The following INPP4B variants were observed in gnomAD, a reference collection of about 807,000 sequenced individuals.
INPP4B encodes the protein inositol polyphosphate-4-phosphatase type II B, also known as inositol polyphosphate 4-phosphatase type II.
INPP4B carries 55 observed loss-of-function variants against 122.5 expected under a neutral mutation model. The ratio of observed to expected loss-of-function variants is 0.45; its 90% CI spans 0.36 to 0.56. The LOEUF (loss-of-function observed/expected upper bound fraction) is 0.56. INPP4B is among the 20% of genes least tolerant of loss of function. The pLI is 0.00. For synonymous variants in INPP4B, 403 were observed against 388.7 expected (o/e 1.04, Z -0.43); for missense variants, 1,000 against 1,097.7 (o/e 0.91, Z 1.26).
chr4:142,628,305 A>G (rs13139144), intron 2 of INPP4B, among the ~76,000 whole-genome samples: 108,502 of 141,758 alleles, frequency 0.77, 42,275 homozygotes, highest in East Asian at 0.84. Flanking sequence ...GTAAACTATC[A>G]CAAGAACAAA....
Position 142,608,969 on chromosome 4 carries a change from C to A in INPP4B, c.-191+116870G>T, listed in dbSNP as rs1053497352. ...ACTGCTCATCCTCGATTTAGAGGAG[C>A]CTCCCTTCCTTTTTCCCATCTCAAA... is the stretch of plus-strand genomic sequence containing the variant. On this transcript the variant is annotated intron_variant, in intron 2 of 25. Transcript: ENST00000262992. Among the ~76,000 whole-genome samples, 15 of 152,216 alleles carry A rather than the reference C, an allele frequency of 9.9e-5. No homozygotes were observed. In the East Asian group the frequency reaches 1.9e-3, roughly 20 times the overall value.
At chr4:142,316,409 G>A (rs1000779532) in intron 7 of INPP4B, among the ~76,000 whole-genome samples, 20 of 152,166 alleles carry the variant, frequency 1.3e-4, no homozygotes, top group Admixed American at 6.5e-5. Context: ...GGTGGACAAT[G>A]TATTGTGTGT....
chr4:142,049,821 G>T (rs1407359677), intron 25 of INPP4B, among the ~76,000 whole-genome samples: 1 of 151,948 alleles, frequency 6.6e-6, no homozygotes, highest in Non-Finnish European at 1.5e-5. Context: ...TATGTGGTGG[G>T]CACTAAATGT....
At chr4:142,708,806 A>C (rs1762774878) in intron 2 of INPP4B, among the ~76,000 whole-genome samples, 1 of 152,170 alleles carries the variant, frequency 6.6e-6, no homozygotes, top group Non-Finnish European at 1.5e-5. Context: ...CAGAGTCTCC[A>C]CTGTGGCACT....
At chr4:142,522,384 T>C (rs1826208127) in intron 2 of INPP4B, among the ~76,000 whole-genome samples, 1 of 128,070 alleles carries the variant, frequency 7.8e-6, no homozygotes, top group Admixed American at 9.6e-5. Flanking sequence ...TTGCCCAGGC[T>C]GGAGTGAAGT....
intron 2 of INPP4B, among the ~76,000 whole-genome samples, chr4:142,632,445 AG>A (rs1399736465): frequency 6.6e-6 from 1 of 152,046 alleles, no homozygotes; most frequent in Non-Finnish European, 1.5e-5. Flanking sequence ...GAGTGTTGTG[AG>A]GAGGGGGGAG....
At chr4:142,473,460 T>G (rs3913163) in intron 2 of INPP4B, 38,479 of 152,412 alleles carry the variant, frequency 0.25, 5,610 homozygotes, top group East Asian at 0.57. Context: ...GGGAATGAGA[T>G]CATCCCTTTG....
intron 2 of INPP4B, among the ~76,000 whole-genome samples, chr4:142,602,757 T>C (rs1740322602): frequency 1.3e-5 from 2 of 152,210 alleles, no homozygotes; most frequent in Admixed American, 1.3e-4. Context: ...TTTTGCACGT[T>C]GGTGGGAGTG....
intron 5 of INPP4B, among the ~76,000 whole-genome samples, chr4:142,419,454 C>G (rs922428236): frequency 6.6e-6 from 1 of 152,082 alleles, no homozygotes; most frequent in Admixed American, 6.6e-5. Context: ...CTTCTGCCAC[C>G]TTATCACTGT....
intron 2 of INPP4B, among the ~76,000 whole-genome samples, chr4:142,483,973 T>C (rs1282673866): frequency 6.6e-6 from 1 of 151,802 alleles, no homozygotes; most frequent in African/African-American, 2.4e-5. Context: ...CATGAGAGGA[T>C]TAATGCAAAA....
intron 11 of INPP4B, among the ~76,000 whole-genome samples, chr4:142,258,060 C>A (rs191987689): frequency 6.6e-6 from 1 of 151,970 alleles, no homozygotes; most frequent in Admixed American, 6.6e-5. Flanking sequence ...AAATCTACAA[C>A]TATCTGATCT....
At chr4:142,741,243 C>T (rs532232834) in intron 1 of INPP4B, among the ~76,000 whole-genome samples, 10 of 148,712 alleles carry the variant, frequency 6.7e-5, no homozygotes. Context: ...AATGGCTTGG[C>T]TTCTGGTGAG....
At position 142,145,514 on chromosome 4, in the gene INPP4B, C is replaced by T. The variant is rs529174458; in HGVS notation, c.1720+326G>A. Among the ~76,000 whole-genome samples the T allele has an allele frequency of 3.3e-5, 5 of 152,016 alleles. No individual in the cohort carries two copies. The South Asian group carries it at 1.0e-3, about 32-fold the overall frequency. ...TGTTTCTAAGAGTTAAGTGCAGATGCTTATTTATCTTTCTAATAAAATTTT... is the reference window on the plus strand; with the variant it reads ...TGTTTCTAAGAGTTAAGTGCAGATGTTTATTTATCTTTCTAATAAAATTTT... On this transcript the variant is annotated intron_variant, in intron 18 of 25. Coordinates refer to ENST00000262992, the MANE Select transcript of INPP4B (RefSeq NM_001101669.3).
At chr4:142,640,061 A>C (rs887464691) in intron 2 of INPP4B, among the ~76,000 whole-genome samples, 1 of 152,184 alleles carries the variant, frequency 6.6e-6, no homozygotes, top group Admixed American at 6.6e-5. Context: ...CCTCATAGGA[A>C]TACTAACCTA....
intron 2 of INPP4B, among the ~76,000 whole-genome samples, chr4:142,488,426 T>C (rs909425366): frequency 1.3e-5 from 2 of 152,098 alleles, no homozygotes; most frequent in African/African-American, 4.8e-5. Flanking sequence ...ATTCCGCTTA[T>C]ACTTTATTAA....
intron 1 of INPP4B, among the ~76,000 whole-genome samples, chr4:142,759,999 C>T (rs781276273): frequency 7.2e-5 from 11 of 151,906 alleles, no homozygotes; most frequent in Admixed American, 1.3e-4. Flanking sequence ...AAGAAAAGTC[C>T]TCTGATTTTC....
intron 17 of INPP4B, among the ~76,000 whole-genome samples, chr4:142,158,197 T>C (rs1007370731): frequency 6.6e-6 from 1 of 152,084 alleles, no homozygotes; most frequent in African/African-American, 2.4e-5. Context: ...TTATGCTCCA[T>C]CTAAAAGGGC....
intron 2 of INPP4B, among the ~76,000 whole-genome samples, chr4:142,578,638 A>G (rs1215824115): frequency 6.6e-6 from 1 of 151,902 alleles, no homozygotes; most frequent in Non-Finnish European, 1.5e-5. Flanking sequence ...ATTAGGGGCC[A>G]CACTGATGGC....
At chr4:142,161,892 GCAC>G (rs1820304825) in intron 16 of INPP4B, among the ~76,000 whole-genome samples, 1 of 151,764 alleles carries the variant, frequency 6.6e-6, no homozygotes, top group Non-Finnish European at 1.5e-5. Flanking sequence ...CGTATTGGCA[GCAC>G]AAATGGAACA....
Sources: gnomAD v4.1 joint callset for allele counts (sites outside exome capture counted in the v4.1 genomes callset) on GRCh38, gnomAD v4.1.1 for gene constraint, MANE v1.5 for transcripts, NCBI Gene and HGNC (gene_info 2026-07-23, HGNC 2026-07-21) for gene names.